VRK2: variants seen among roughly 807,000 people sequenced by gnomAD.
VRK2 encodes the protein VRK serine/threonine kinase 2.
VRK2 carries 60 observed loss-of-function variants against 57.6 expected under a neutral mutation model. That is an observed-to-expected ratio of 1.04 (90% CI 0.85 to 1.29). VRK2 has a LOEUF of 1.29. Ranked by LOEUF, VRK2 falls within the 50% of genes most tolerant of loss-of-function variation. VRK2 has a pLI of 0.00. For synonymous variants in VRK2, 231 were observed against 199.2 expected (o/e 1.16, Z -1.35); for missense variants, 705 against 588.1 (o/e 1.20, Z -2.06).
At chr2:58,034,276 T>C (rs1674206362) in intron 3 of VRK2, among the ~76,000 whole-genome samples, 1 of 152,002 alleles carries the variant, frequency 6.6e-6, no homozygotes, top group Non-Finnish European at 1.5e-5. Context: ...CTCACAGTTG[T>C]TGTTTTGGGG....
At chr2:57,967,091 C>T (rs1671942633) in intron 1 of VRK2, among the ~76,000 whole-genome samples, 1 of 152,208 alleles carries the variant, frequency 6.6e-6, no homozygotes, top group Middle Eastern at 3.4e-3. Context: ...AATTTGTTCA[C>T]TGATATAAAT....
intron 1 of VRK2, among the ~76,000 whole-genome samples, chr2:57,965,237 TC>T (rs1377524689): frequency 6.6e-6 from 1 of 152,196 alleles, no homozygotes; most frequent in Non-Finnish European, 1.5e-5. Context: ...CCGGAAGACC[TC>T]CACAGCTAAG....
intron 7 of VRK2, among the ~76,000 whole-genome samples, chr2:58,116,576 C>T (rs558145633): frequency 4.6e-5 from 7 of 152,088 alleles, no homozygotes; most frequent in South Asian, 2.1e-4. Flanking sequence ...GGGTAGCCTT[C>T]GTATTGATTA....
At chr2:57,984,168 G>A (rs1558525865) in intron 1 of VRK2, among the ~76,000 whole-genome samples, 1 of 152,104 alleles carries the variant, frequency 6.6e-6, no homozygotes. Context: ...CTGATGTATT[G>A]TCTAAATTTA....
chr2:58,079,966 A>C (rs1670630843), intron 2 of VRK2, among the ~76,000 whole-genome samples: 1 of 151,998 alleles, frequency 6.6e-6, no homozygotes, highest in African/African-American at 2.4e-5. Flanking sequence ...CTTAAAATCA[A>C]AATATTTAGT....
chr2:58,022,825 A>G (rs1013272076), intron 1 of VRK2, among the ~76,000 whole-genome samples: 7 of 152,330 alleles, frequency 4.6e-5, no homozygotes, highest in African/African-American at 1.7e-4. Flanking sequence ...CAGTGAGCCA[A>G]GATCACACCA....
intron 1 of VRK2, among the ~76,000 whole-genome samples, chr2:58,014,576 T>C (rs892363711): frequency 9.2e-5 from 14 of 152,190 alleles, no homozygotes; most frequent in African/African-American, 3.4e-4. Context: ...AAAAGACCCA[T>C]TTCACTCCTA....
At chr2:58,033,980 G>A (rs1180453422) in intron 3 of VRK2, among the ~76,000 whole-genome samples, 1 of 151,992 alleles carries the variant, frequency 6.6e-6, no homozygotes, top group Non-Finnish European at 1.5e-5. Context: ...AATAACTCAA[G>A]CTCCCATGCA....
intron 3 of VRK2, among the ~76,000 whole-genome samples, chr2:58,035,258 G>C (rs1674238591): frequency 6.6e-6 from 1 of 151,962 alleles, no homozygotes; most frequent in African/African-American, 2.4e-5. Context: ...TATTATATTG[G>C]ACATTTCAAT....
intron 8 of VRK2, among the ~76,000 whole-genome samples, chr2:58,130,094 A>G (rs1678956452): frequency 6.6e-6 from 1 of 152,186 alleles, no homozygotes; most frequent in Admixed American, 6.5e-5. Context: ...TTACAGCTTC[A>G]TATCAATTAA....
chr2:58,056,258 T>C (rs536574120), intron 2 of VRK2, among the ~76,000 whole-genome samples: 167 of 152,300 alleles, frequency 1.1e-3, no homozygotes, highest in Middle Eastern at 3.4e-3. Context: ...ACTTTATCTA[T>C]GGAACAGATT....
chr2:58,095,293 C>CAAAAA (rs1231159019), intron 7 of VRK2, among the ~76,000 whole-genome samples: 1,001 of 66,606 alleles, frequency 0.015, 24 homozygotes, highest in African/African-American at 0.05. Context: ...GACTCCGTCT[C>CAAAAA]AAAAAAAAAA....
chr2:57,930,838 G>A (rs1236164918), intron 1 of VRK2, among the ~76,000 whole-genome samples: 3 of 152,078 alleles, frequency 2.0e-5, no homozygotes, highest in East Asian at 3.9e-4. Flanking sequence ...GAGATATCAT[G>A]CAGTATTTGT....
chr2:58,115,910 C>T (rs1372310229), intron 7 of VRK2, among the ~76,000 whole-genome samples: 2 of 152,112 alleles, frequency 1.3e-5, no homozygotes, highest in Non-Finnish European at 2.9e-5. Flanking sequence ...GTTTGAGATC[C>T]AGAACAGAAT....
chr2:58,025,278 T>G (rs574561721), intron 1 of VRK2, among the ~76,000 whole-genome samples: 2 of 149,972 alleles, frequency 1.3e-5, no homozygotes, highest in East Asian at 3.9e-4. Context: ...TTTTTTTTTT[T>G]AACTATTAGT....
At chr2:58,115,293 G>A (rs1158927519) in intron 7 of VRK2, among the ~76,000 whole-genome samples, 2 of 152,300 alleles carry the variant, frequency 1.3e-5, no homozygotes, top group South Asian at 2.1e-4. Flanking sequence ...CAGGAATAAT[G>A]TGGGAGGCCA....
At chr2:58,067,750 C>T (rs937865117) in intron 2 of VRK2, among the ~76,000 whole-genome samples, 6 of 151,940 alleles carry the variant, frequency 3.9e-5, no homozygotes, top group South Asian at 2.1e-4. Context: ...TGTTTTGCTC[C>T]GTCTGTTAAA....
chr2:57,995,076 G>A (rs1384093089), intron 1 of VRK2, among the ~76,000 whole-genome samples: 1 of 152,082 alleles, frequency 6.6e-6, no homozygotes. Context: ...GTTCTTCTTT[G>A]GTACTACAAT....
chr2:57,933,862 T>C (rs1367236078), intron 1 of VRK2, among the ~76,000 whole-genome samples: 1 of 152,212 alleles, frequency 6.6e-6, no homozygotes, highest in African/African-American at 2.4e-5. Context: ...TTTAGTGCAA[T>C]CCTTGGATTC....
Sources: allele counts gnomAD v4.1 joint callset (sites outside exome capture counted in the v4.1 genomes callset), GRCh38; gene constraint gnomAD v4.1.1; transcripts MANE v1.5; gene names NCBI Gene and HGNC (gene_info 2026-07-23, HGNC 2026-07-21).